GBE1: variants seen among roughly 807,000 people sequenced by gnomAD.
The protein encoded by GBE1 is 1,4-alpha-glucan-branching enzyme.
In GBE1, 70 loss-of-function variants were observed where a neutral mutation model predicts 88.8. The ratio of observed to expected loss-of-function variants is 0.79; its 90% CI spans 0.65 to 0.96. The LOEUF (loss-of-function observed/expected upper bound fraction) is 0.96. Ranked by LOEUF, GBE1 falls within the 40% of genes least tolerant of loss-of-function variation. The pLI is 0.00. For missense variants in GBE1, 872 were observed against 871.0 expected (o/e 1.00, Z -0.01); for synonymous variants, 284 against 300.1 (o/e 0.95, Z 0.56).
At chr3:81,634,341 A>AGCTTG (rs1222321889) in intron 7 of GBE1, among the ~76,000 whole-genome samples, 1 of 152,246 alleles carries the variant, frequency 6.6e-6, no homozygotes, top group Non-Finnish European at 1.5e-5. Context: ...AAATGTAAGC[A>AGCTTG]GCTTGGTTCA....
At chr3:81,693,595 A>AAT (rs1705552210) in intron 2 of GBE1, among the ~76,000 whole-genome samples, 1 of 152,188 alleles carries the variant, frequency 6.6e-6, no homozygotes, top group African/African-American at 2.4e-5. Flanking sequence ...TTAACACAGT[A>AAT]TTTGGCACAC....
intron 12 of GBE1, 55 bp downstream of exon 12, chr3:81,577,870 C>T: frequency 7.3e-7 from 1 of 1,371,640 alleles, no homozygotes; most frequent in Non-Finnish European, 1.0e-6. Flanking sequence ...TGATTTATGT[C>T]ATTATAAGTT....
At chr3:81,714,844 A>G (rs73128787) in intron 1 of GBE1, among the ~76,000 whole-genome samples, 61 of 152,304 alleles carry the variant, frequency 4.0e-4, no homozygotes, top group Non-Finnish European at 7.5e-4. Flanking sequence ...TGATGGCCAC[A>G]TTCTCATTGT....
At chr3:81,514,667 C>T (rs572547127) in intron 14 of GBE1, among the ~76,000 whole-genome samples, 96 of 151,456 alleles carry the variant, frequency 6.3e-4, no homozygotes, top group African/African-American at 2.3e-3. Flanking sequence ...CTTAGGAGCC[C>T]GTAGGTAATT....
intron 2 of GBE1, among the ~76,000 whole-genome samples, chr3:81,684,181 G>T (rs1705397520): frequency 6.6e-6 from 1 of 152,036 alleles, no homozygotes; most frequent in Non-Finnish European, 1.5e-5. Flanking sequence ...TACATGACAG[G>T]GCCAGTATTT....
At chr3:81,681,243 A>G (rs935126709) in intron 2 of GBE1, among the ~76,000 whole-genome samples, 2 of 152,146 alleles carry the variant, frequency 1.3e-5, no homozygotes, top group African/African-American at 4.8e-5. Flanking sequence ...GCTCTCAAGT[A>G]TGTTTTCAGT....
At chr3:81,649,692 A>G (rs1391667677) in intron 4 of GBE1, 104 bp downstream of exon 4, 1 of 837,540 alleles carries the variant, frequency 1.2e-6, no homozygotes, top group African/African-American at 1.7e-5. Flanking sequence ...CGCAACTGTC[A>G]GTGAAGATAA....
intron 12 of GBE1, among the ~76,000 whole-genome samples, chr3:81,566,930 T>C (rs544298479): frequency 6.6e-6 from 1 of 152,308 alleles, no homozygotes; most frequent in Non-Finnish European, 1.5e-5. Context: ...AGGCCTTTTC[T>C]GAACACAAAC....
chr3:81,612,220 T>TAAAAAAAAA (rs11404629), intron 7 of GBE1: 64 of 241,690 alleles, frequency 2.6e-4, no homozygotes, highest in Non-Finnish European at 3.3e-4. Flanking sequence ...CACGCTCCTT[T>TAAAAAAAAA]AAAAAAAAAA....
intron 12 of GBE1, among the ~76,000 whole-genome samples, chr3:81,575,095 G>A (rs1027435898): frequency 6.6e-6 from 1 of 151,400 alleles, no homozygotes; most frequent in Middle Eastern, 3.2e-3. Flanking sequence ...AACCCGGGAA[G>A]CAGAGCTTGC....
At chr3:81,556,437 G>GGAAACTTTATTTCTT (rs1385174225) in intron 12 of GBE1, among the ~76,000 whole-genome samples, 2 of 151,844 alleles carry the variant, frequency 1.3e-5, no homozygotes, top group African/African-American at 4.8e-5. Flanking sequence ...TGTATAAAAA[G>GGAAACTTTATTTCTT]GAAACTTTAT....
At chr3:81,611,477 G>GA (rs1704181896) in intron 7 of GBE1, among the ~76,000 whole-genome samples, 1 of 152,184 alleles carries the variant, frequency 6.6e-6, no homozygotes, top group Non-Finnish European at 1.5e-5. Context: ...ACACGATGTA[G>GA]AAAAGTGATT....
At chr3:81,701,208 T>C (rs1705681416) in intron 2 of GBE1, among the ~76,000 whole-genome samples, 2 of 152,258 alleles carry the variant, frequency 1.3e-5, no homozygotes, top group South Asian at 4.1e-4. Context: ...AGTCCAATCC[T>C]GATGAATGTC....
At chr3:81,641,805 C>T (rs1704682895) in intron 7 of GBE1, among the ~76,000 whole-genome samples, 1 of 151,470 alleles carries the variant, frequency 6.6e-6, no homozygotes, top group South Asian at 2.1e-4. Context: ...TTTGCTGAGA[C>T]ATTTTTCTAT....
At chr3:81,539,532 G>C (rs1245824261) in intron 12 of GBE1, among the ~76,000 whole-genome samples, 34 of 151,932 alleles carry the variant, frequency 2.2e-4, no homozygotes, top group Admixed American at 2.2e-3. Context: ...AAAAAGACTG[G>C]ATATCAGGGA....
intron 14 of GBE1, among the ~76,000 whole-genome samples, chr3:81,519,669 C>A (rs1702846769): frequency 6.6e-6 from 1 of 150,936 alleles, no homozygotes; most frequent in Non-Finnish European, 1.5e-5. Flanking sequence ...AGAACCATGA[C>A]ACATTCATAT....
chr3:81,549,321 C>T (rs899189550), intron 12 of GBE1, among the ~76,000 whole-genome samples: 1 of 151,456 alleles, frequency 6.6e-6, no homozygotes, highest in African/African-American at 2.4e-5. Flanking sequence ...AGCCACCACC[C>T]CCGGCTGGGT....
intron 5 of GBE1, among the ~76,000 whole-genome samples, chr3:81,647,240 G>T (rs1704778349): frequency 6.6e-6 from 1 of 152,108 alleles, no homozygotes; most frequent in Non-Finnish European, 1.5e-5. Flanking sequence ...TTACAGGCGT[G>T]AGCCACCGCG....
chr3:81,635,676 G>T (rs1384272154), intron 7 of GBE1, among the ~76,000 whole-genome samples: 1 of 151,956 alleles, frequency 6.6e-6, no homozygotes, highest in East Asian at 1.9e-4. Context: ...ATTTAAAAAG[G>T]TCATAAACAA....
Sources: gnomAD v4.1 joint callset for allele counts (sites outside exome capture counted in the v4.1 genomes callset) on GRCh38, gnomAD v4.1.1 for gene constraint, MANE v1.5 for transcripts, NCBI Gene and HGNC (gene_info 2026-07-23, HGNC 2026-07-21) for gene names.